The following GDA variants were observed in gnomAD, a reference collection of about 807,000 sequenced individuals.
GDA encodes the protein cytoplasmic PSD-95 interactor.
Under a neutral mutation model 59.6 loss-of-function variants are expected in GDA, and 18 were observed. That is an observed-to-expected ratio of 0.30 (90% CI 0.21 to 0.45). GDA has a LOEUF of 0.45. GDA is among the 20% of genes least tolerant of loss of function. The probability of loss-of-function intolerance (pLI) is 1.00; values close to 1 mark genes in which losing one functional copy is unlikely to be tolerated. For missense variants in GDA, 427 were observed against 552.3 expected (o/e 0.77, Z 2.27); for synonymous variants, 201 against 201.1 (o/e 1.00, Z 0.00).
At chr9:72,145,882 A>G (rs1011715449), upstream of GDA, among the ~76,000 whole-genome samples, 1 of 152,202 alleles carries the variant, frequency 6.6e-6, no homozygotes, top group African/African-American at 2.4e-5. Context: ...AATTTTTATG[A>G]CTAAAATATA....
At chr9:72,203,189 G>A (rs1363684205) in intron 3 of GDA, among the ~76,000 whole-genome samples, 1 of 152,182 alleles carries the variant, frequency 6.6e-6, no homozygotes, top group Non-Finnish European at 1.5e-5. Flanking sequence ...TGATAATTAA[G>A]CAAGTTAATA....
At chr9:72,223,050 T>C (rs1339723154) in intron 6 of GDA, 70 bp from the exon 7 acceptor site, 1 of 831,256 alleles carries the variant, frequency 1.2e-6, no homozygotes, top group East Asian at 2.5e-5. Context: ...TTTATGTCTT[T>C]AATCCATCTT....
intron 1 of GDA, among the ~76,000 whole-genome samples, chr9:72,138,046 A>T (rs956064927): frequency 6.6e-6 from 1 of 152,030 alleles, no homozygotes; most frequent in African/African-American, 2.4e-5. Context: ...CTTATATGGG[A>T]GGGAGAGTTG....
intron 1 of GDA, among the ~76,000 whole-genome samples, chr9:72,134,218 G>T (rs1826139630): frequency 6.6e-6 from 1 of 152,164 alleles, no homozygotes; most frequent in African/African-American, 2.4e-5. Context: ...AAAGGCCCAA[G>T]AACCTTAGAG....
intron 4 of GDA, among the ~76,000 whole-genome samples, chr9:72,212,291 G>A (rs1587665783): frequency 6.6e-6 from 1 of 152,154 alleles, no homozygotes; most frequent in Non-Finnish European, 1.5e-5. Flanking sequence ...GACCATCCTG[G>A]CTAACATGGT....
At chr9:72,258,662 T>C (rs957100297), downstream of GDA, among the ~76,000 whole-genome samples, 8 of 152,256 alleles carry the variant, frequency 5.3e-5, no homozygotes, top group African/African-American at 1.9e-4. Context: ...TTGAGGTCTT[T>C]CAGGGCTCTG....
chr9:72,130,456 A>G (rs1825988167), intron 1 of GDA, among the ~76,000 whole-genome samples: 1 of 152,240 alleles, frequency 6.6e-6, no homozygotes, highest in Admixed American at 6.5e-5. Flanking sequence ...CATAAGAAGC[A>G]GCTGAGTCCT....
chr9:72,217,814 A>C (rs1420626872), intron 5 of GDA, among the ~76,000 whole-genome samples: 1 of 152,210 alleles, frequency 6.6e-6, no homozygotes, highest in Non-Finnish European at 1.5e-5. Context: ...GATTCTACTG[A>C]CCATATAAAT....
chr9:72,150,407 GTCT>G (rs1564163459), intron 1 of GDA, among the ~76,000 whole-genome samples: 1 of 151,968 alleles, frequency 6.6e-6, no homozygotes, highest in East Asian at 1.9e-4. Context: ...GGTTCAAAAT[GTCT>G]TCTTTGAATG....
chr9:72,206,046 G>A (rs974354007), intron 3 of GDA, among the ~76,000 whole-genome samples: 1 of 152,052 alleles, frequency 6.6e-6, no homozygotes, highest in South Asian at 2.1e-4. Context: ...TTACATATCC[G>A]TTTTAATTTT....
Position 72,250,616 on chromosome 9 carries a change from C to A in GDA, c.*2274C>A. On this transcript the variant is annotated 3_prime_UTR_variant, in exon 14 of 14. Transcript: ENST00000358399. ...TTCTGTACCACAGGCATTATCTATA[C>A]CTGGGGCCAGATTTTCTGCACTTTG... 1.3e-6 allele frequency: 2 copies of A among 1,575,284 alleles called. No homozygotes were observed. The highest frequency in any genetic ancestry group is 1.7e-6 in the Non-Finnish European group (2 of 1,165,652).
intron 5 of GDA, chr9:72,214,766 C>T (rs1835884360): frequency 3.1e-6 from 1 of 321,998 alleles, no homozygotes; most frequent in South Asian, 2.4e-5. Flanking sequence ...CAGACTGTCA[C>T]TCTGTCACCC....
rs530133231 is a variant in GDA at position 72,243,843 on chromosome 9, T to G, written c.1136-1305T>G. ...TCGATTCAATATTTTCACATGAAAC[T>G]TTATCTTAGCGGTGATAGAATGCAA... On this transcript the variant is annotated intron_variant, in intron 11 of 13. Transcript: ENST00000358399. Among the ~76,000 whole-genome samples, 4 of 152,292 alleles carry G rather than the reference T, an allele frequency of 2.6e-5. No individual in the cohort carries two copies. In the South Asian group the frequency reaches 8.3e-4, roughly 32 times the overall value.
At chr9:72,198,765 T>A (rs1833533880) in intron 2 of GDA, among the ~76,000 whole-genome samples, 1 of 151,424 alleles carries the variant, frequency 6.6e-6, no homozygotes, top group South Asian at 2.1e-4. Flanking sequence ...ATACCTGTAT[T>A]GTTTTCTGAT....
At chr9:72,142,412 G>C (rs1418793625) in intron 1 of GDA, among the ~76,000 whole-genome samples, 1 of 151,824 alleles carries the variant, frequency 6.6e-6, no homozygotes. Flanking sequence ...TCAGGAGATC[G>C]AGACCATCCT....
chr9:72,138,087 T>A (rs1826308492), intron 1 of GDA, among the ~76,000 whole-genome samples: 1 of 152,124 alleles, frequency 6.6e-6, no homozygotes, highest in African/African-American at 2.4e-5. Flanking sequence ...TGTCTGCAGC[T>A]GCAGGCATAC....
At position 72,250,935 on chromosome 9, in the gene GDA, C is replaced by A; in HGVS notation, c.*2593C>A. 1.0e-6 allele frequency: 1 copy of A among 1,004,394 alleles called. No homozygotes were observed. The highest frequency in any genetic ancestry group is 1.5e-6 in the Non-Finnish European group (1 of 663,652). 62.2% of individuals were successfully genotyped at this position (1,004,394 alleles called of 1,614,324 possible). ...CAGGCTAGTCAGCTAAGGTAAATTTCATTTTCAAACGAGAGGGAAACATGG... is the reference window on the plus strand; with the variant it reads ...CAGGCTAGTCAGCTAAGGTAAATTTAATTTTCAAACGAGAGGGAAACATGG... On this transcript the variant is annotated 3_prime_UTR_variant, in exon 14 of 14. Coordinates refer to ENST00000358399, the MANE Select transcript of GDA (RefSeq NM_004293.5).
chr9:72,137,242 C>CT (rs143364725), intron 1 of GDA, among the ~76,000 whole-genome samples: 45,777 of 84,670 alleles, frequency 0.54, 13,992 homozygotes, highest in South Asian at 0.67. Context: ...TTCTTTTTTT[C>CT]TTTTTTTTTT....
chr9:72,196,991 T>C (rs1467018002), intron 2 of GDA, among the ~76,000 whole-genome samples: 2 of 152,186 alleles, frequency 1.3e-5, no homozygotes, highest in South Asian at 2.1e-4. Context: ...GCCAATAAAA[T>C]TGGTACCATT....
Sources: gnomAD v4.1 joint callset for allele counts (sites outside exome capture counted in the v4.1 genomes callset) on GRCh38, gnomAD v4.1.1 for gene constraint, MANE v1.5 for transcripts, NCBI Gene and HGNC (gene_info 2026-07-23, HGNC 2026-07-21) for gene names.